Variants in ASTN2 observed in about 807,000 individuals in gnomAD.
ASTN2 encodes astrotactin 2.
A neutral mutation model predicts 139.8 loss-of-function variants in ASTN2; 54 were observed. That is an observed-to-expected ratio of 0.39 (90% CI 0.31 to 0.48). The LOEUF (loss-of-function observed/expected upper bound fraction) is 0.48. ASTN2 is among the 20% of genes least tolerant of loss of function. The pLI is 0.95. For missense variants in ASTN2, 1,565 were observed against 1,725.1 expected (o/e 0.91, Z 1.64); for synonymous variants, 756 against 719.5 (o/e 1.05, Z -0.81).
intron 1 of ASTN2, among the ~76,000 whole-genome samples, chr9:117,361,892 C>T (rs1829702314): frequency 1.3e-5 from 2 of 152,110 alleles, no homozygotes; most frequent in South Asian, 2.1e-4. Flanking sequence ...CAGCAGATAA[C>T]ATGTACACAG....
chr9:116,836,180 T>C (rs1026488005), intron 11 of ASTN2, among the ~76,000 whole-genome samples: 1 of 152,118 alleles, frequency 6.6e-6, no homozygotes, highest in Non-Finnish European at 1.5e-5. Context: ...CTAGTCACTG[T>C]TCCCCCCTTA....
intron 7 of ASTN2, among the ~76,000 whole-genome samples, chr9:117,005,012 G>T (rs1223440439): frequency 6.7e-6 from 1 of 150,274 alleles, no homozygotes; most frequent in African/African-American, 2.5e-5. Context: ...TCTAGATGCT[G>T]TAGACTAGCA....
At chr9:116,760,761 T>A (rs1360999787) in intron 13 of ASTN2, among the ~76,000 whole-genome samples, 1 of 152,150 alleles carries the variant, frequency 6.6e-6, no homozygotes, top group East Asian at 1.9e-4. Context: ...GGGAACAGAC[T>A]TGGGTGACAG....
intron 13 of ASTN2, among the ~76,000 whole-genome samples, chr9:116,804,566 T>C (rs946343063): frequency 1.2e-4 from 18 of 152,170 alleles, no homozygotes; most frequent in African/African-American, 4.1e-4. Flanking sequence ...GTATGCTGAA[T>C]TAATGTTAGT....
intron 1 of ASTN2, among the ~76,000 whole-genome samples, chr9:117,386,220 A>G (rs868426912): frequency 6.6e-6 from 1 of 152,152 alleles, no homozygotes; most frequent in East Asian, 1.9e-4. Flanking sequence ...TTTCACATAG[A>G]GTTTCATAGA....
At chr9:116,662,436 G>A (rs891571431) in intron 16 of ASTN2, among the ~76,000 whole-genome samples, 3 of 152,054 alleles carry the variant, frequency 2.0e-5, no homozygotes, top group African/African-American at 7.2e-5. Flanking sequence ...AGCTGGGTGT[G>A]GTGGTGGGCA....
At chr9:116,888,278 A>C (rs1346081378) in intron 10 of ASTN2, among the ~76,000 whole-genome samples, 1 of 152,080 alleles carries the variant, frequency 6.6e-6, no homozygotes, top group Non-Finnish European at 1.5e-5. Context: ...TCAAGAAAAA[A>C]AACCAAAAAT....
At chr9:116,660,906 C>T (rs960026228) in intron 16 of ASTN2, among the ~76,000 whole-genome samples, 2 of 152,218 alleles carry the variant, frequency 1.3e-5, no homozygotes, top group African/African-American at 2.4e-5. Flanking sequence ...TGTGCTAGCA[C>T]ATTTTCACCT....
chr9:116,611,789 C>A (rs1208792785), intron 19 of ASTN2: 1 of 151,884 alleles, frequency 6.6e-6, no homozygotes, highest in Non-Finnish European at 1.5e-5. Flanking sequence ...AGGTCTAAGC[C>A]CAGATGCCTT....
chr9:116,911,478 A>G (rs1459422818), intron 10 of ASTN2, among the ~76,000 whole-genome samples: 1 of 152,246 alleles, frequency 6.6e-6, no homozygotes, highest in Non-Finnish European at 1.5e-5. Context: ...GGACTCTGGA[A>G]CAGAAAGAGG....
chr9:116,978,656 T>C (rs1396707965), intron 7 of ASTN2, among the ~76,000 whole-genome samples: 1 of 152,146 alleles, frequency 6.6e-6, no homozygotes, highest in Non-Finnish European at 1.5e-5. Context: ...TATTTTAATT[T>C]TTCTTAAAAG....
intron 3 of ASTN2, among the ~76,000 whole-genome samples, chr9:117,168,496 T>C (rs1189258907): frequency 6.6e-6 from 1 of 152,070 alleles, no homozygotes; most frequent in East Asian, 1.9e-4. Flanking sequence ...GTTTTTAACT[T>C]ATATTTGGAG....
chr9:117,062,640 C>T (rs1191394173), intron 5 of ASTN2, among the ~76,000 whole-genome samples: 1 of 152,078 alleles, frequency 6.6e-6, no homozygotes, highest in Non-Finnish European at 1.5e-5. Context: ...CTTAGCCATG[C>T]CCTTGAGTGC....
intron 17 of ASTN2, among the ~76,000 whole-genome samples, chr9:116,648,251 C>T (rs903581244): frequency 3.9e-5 from 6 of 152,216 alleles, no homozygotes; most frequent in Non-Finnish European, 7.4e-5. Context: ...CAGCCCGTCT[C>T]GGCCTCCCAA....
At chr9:116,993,303 T>C (rs1836910763) in intron 7 of ASTN2, among the ~76,000 whole-genome samples, 1 of 152,164 alleles carries the variant, frequency 6.6e-6, no homozygotes, top group African/African-American at 2.4e-5. Context: ...TGTGAGCCTT[T>C]GCACAGCCTG....
intron 1 of ASTN2, among the ~76,000 whole-genome samples, chr9:117,400,556 G>C (rs1472769517): frequency 6.6e-6 from 1 of 152,194 alleles, no homozygotes; most frequent in Non-Finnish European, 1.5e-5. Context: ...CCCCTCCCTG[G>C]GGAAGGCTAG....
At position 117,245,124 on chromosome 9, in the gene ASTN2, C is replaced by T. The variant is rs1002486375; in HGVS notation, c.631-30382G>A. 6.6e-5 allele frequency among the ~76,000 whole-genome samples: 10 copies of T among 152,096 alleles called. 1 individual carries two copies. Among genetic ancestry groups the T allele is most frequent in the Admixed American group, 6.5e-4 (10 of 15,280 alleles). On this transcript the variant is annotated intron_variant, in intron 2 of 22. Transcript: ENST00000313400. The stretch of plus-strand genomic sequence containing the variant: ...CCTCCGTGGCCTCCACGGTAATGAC[C>T]CTGACAGCAAAATCCACAGGCCAGG...
Position 116,699,174 on chromosome 9 carries a change from T to G in ASTN2, c.2806+26597A>C, listed in dbSNP as rs371002754. The G allele has an allele frequency of 1.6e-5, 26 of 1,614,134 alleles. No individual in the cohort carries two copies. Among genetic ancestry groups the G allele is most frequent in the East Asian group, 2.2e-5 (1 of 44,886 alleles). On this transcript the variant is annotated intron_variant, in intron 16 of 22. Transcript: ENST00000313400. The surrounding 1 kb of genome is among the most constrained non-coding windows in gnomAD (Gnocchi z 4.2). Reference sequence around the variant, plus strand: ...GAGCAAACCATGGGGTATCACAGCCTTGCCATCTGGCCAGTTTGTAGTAAC... The same window carrying G: ...GAGCAAACCATGGGGTATCACAGCCGTGCCATCTGGCCAGTTTGTAGTAAC...
chr9:116,789,923 T>C (rs1454152307), intron 13 of ASTN2, among the ~76,000 whole-genome samples: 2 of 137,494 alleles, frequency 1.5e-5, no homozygotes, highest in South Asian at 2.4e-4. Flanking sequence ...TCTTTCTCTT[T>C]TTTTTTTTTT....
Sources: gnomAD v4.1 joint callset for allele counts (sites outside exome capture counted in the v4.1 genomes callset) on GRCh38, gnomAD v4.1.1 for gene constraint, Gnocchi (gnomAD v3.1) non-coding constraint, MANE v1.5 for transcripts, NCBI Gene and HGNC (gene_info 2026-07-23, HGNC 2026-07-21) for gene names.